TSGA10: variants seen among roughly 807,000 people sequenced by gnomAD.
TSGA10 encodes testis specific 10.
Under a neutral mutation model 96.6 loss-of-function variants are expected in TSGA10, and 43 were observed. The observed-to-expected ratio is 0.44, with a 90% CI of 0.35 to 0.57. The LOEUF (loss-of-function observed/expected upper bound fraction) is 0.57, where lower values mean the gene tolerates loss of function less well. Among genes scored for constraint, TSGA10 ranks in the 20% least tolerant of loss-of-function variants. TSGA10 has a pLI of 0.01. For synonymous variants in TSGA10, 229 were observed against 269.9 expected (o/e 0.85, Z 1.48); for missense variants, 703 against 834.4 (o/e 0.84, Z 1.94).
intron 16 of TSGA10, among the ~76,000 whole-genome samples, chr2:99,063,704 G>C (rs2084939204): frequency 6.6e-6 from 1 of 152,094 alleles, no homozygotes; most frequent in Admixed American, 6.5e-5. Flanking sequence ...TACTTGGGAG[G>C]TTGAGGCAGG....
At chr2:99,000,250 G>A (rs2077770255) in intron 20 of TSGA10, among the ~76,000 whole-genome samples, 1 of 152,006 alleles carries the variant, frequency 6.6e-6, no homozygotes, top group African/African-American at 2.4e-5. Flanking sequence ...GCTCATGCCT[G>A]TAATCCCAGC....
At chr2:99,079,195 G>A (rs1270087261) in intron 11 of TSGA10, among the ~76,000 whole-genome samples, 2 of 152,046 alleles carry the variant, frequency 1.3e-5, no homozygotes, top group African/African-American at 2.4e-5. Flanking sequence ...CTCTAGCCTA[G>A]AATCACTGTT....
chr2:99,052,005 G>A (rs1356528716), intron 16 of TSGA10, among the ~76,000 whole-genome samples: 2 of 151,708 alleles, frequency 1.3e-5, no homozygotes, highest in Non-Finnish European at 2.9e-5. Flanking sequence ...ATTGATGCAG[G>A]TAAGTACCTA....
intron 20 of TSGA10, among the ~76,000 whole-genome samples, chr2:99,011,218 C>T (rs138640115): frequency 0.015 from 2,358 of 152,246 alleles, 51 homozygotes; most frequent in African/African-American, 0.053. Flanking sequence ...CTGCAACCTC[C>T]GACACCCGGG....
intron 10 of TSGA10, among the ~76,000 whole-genome samples, chr2:99,083,617 C>T (rs1574162301): frequency 1.3e-5 from 2 of 152,160 alleles, no homozygotes; most frequent in Non-Finnish European, 2.9e-5. Flanking sequence ...ATGGTACATT[C>T]ATACTATGGA....
intron 1 of TSGA10, among the ~76,000 whole-genome samples, chr2:99,128,851 A>G (rs1297233705): frequency 6.6e-6 from 1 of 152,138 alleles, no homozygotes; most frequent in Non-Finnish European, 1.5e-5. Flanking sequence ...AGGCCCAAGC[A>G]ATCTTCTCAC....
rs2092406124 is a variant in TSGA10 at position 99,118,575 on chromosome 2, A to G, written c.-380T>C. 1.0e-6 allele frequency: 1 copy of G among 983,890 alleles called. No homozygotes were observed. Among genetic ancestry groups the G allele is most frequent in the African/African-American group, 1.8e-5 (1 of 57,128 alleles). 60.9% of individuals were successfully genotyped at this position (983,890 alleles called of 1,614,324 possible). ...CTTGACTAAGCTAAATATCAAATCA[A>G]TCAAGTATTTGCTGCCTAATGTGGA... is the stretch of plus-strand genomic sequence containing the variant. On this transcript the variant is annotated 5_prime_UTR_variant, in exon 3 of 21. Coordinates refer to ENST00000393483, the MANE Select transcript of TSGA10 (RefSeq NM_025244.4).
chr2:99,059,334 C>T (rs972722633), intron 16 of TSGA10, among the ~76,000 whole-genome samples: 1 of 151,832 alleles, frequency 6.6e-6, no homozygotes, highest in Non-Finnish European at 1.5e-5. Context: ...ATTCATGATA[C>T]AAACTCTAAG....
At chr2:99,115,308 AG>A (rs1291936548) in intron 4 of TSGA10, among the ~76,000 whole-genome samples, 3 of 152,220 alleles carry the variant, frequency 2.0e-5, no homozygotes, top group Admixed American at 6.5e-5. Flanking sequence ...CTTTAAAAAA[AG>A]TAACAATACA....
chr2:99,094,205 G>A (rs532071663), intron 10 of TSGA10, among the ~76,000 whole-genome samples: 46 of 152,288 alleles, frequency 3.0e-4, no homozygotes, highest in Admixed American at 1.0e-3. Flanking sequence ...GCCACATGTA[G>A]AAGAATGAAA....
intron 10 of TSGA10, among the ~76,000 whole-genome samples, chr2:99,103,045 T>C (rs1022000932): frequency 1.3e-5 from 2 of 151,732 alleles, no homozygotes; most frequent in Admixed American, 6.6e-5. Flanking sequence ...TATACTGCCT[T>C]TTTTATAGCT....
intron 17 of TSGA10, among the ~76,000 whole-genome samples, chr2:99,028,674 G>A (rs1203759210): frequency 6.7e-6 from 1 of 149,790 alleles, no homozygotes; most frequent in Non-Finnish European, 1.5e-5. Context: ...CAAACTCACA[G>A]AAGGGGTAGT....
chr2:99,114,257 G>C (rs2092060344), intron 4 of TSGA10, among the ~76,000 whole-genome samples: 1 of 152,048 alleles, frequency 6.6e-6, no homozygotes, highest in South Asian at 2.1e-4. Context: ...ATTAGGCAAG[G>C]AATCTCTCCC....
chr2:99,003,831 G>A (rs2078203651), intron 20 of TSGA10, among the ~76,000 whole-genome samples: 1 of 152,128 alleles, frequency 6.6e-6, no homozygotes, highest in South Asian at 2.1e-4. Context: ...AGCATTAAAT[G>A]CCCACAAGAG....
chr2:99,030,736 A>C (rs187675856), intron 17 of TSGA10, among the ~76,000 whole-genome samples: 1 of 152,280 alleles, frequency 6.6e-6, no homozygotes, highest in East Asian at 1.9e-4. Flanking sequence ...ATTAACACTA[A>C]AATACCACTT....
At chr2:99,049,732 A>T (rs1160878050) in intron 16 of TSGA10, among the ~76,000 whole-genome samples, 2 of 114,902 alleles carry the variant, frequency 1.7e-5, no homozygotes, top group Non-Finnish European at 3.3e-5. Context: ...AGTATAATTT[A>T]AAAAAAAGAA....
At chr2:99,065,558 A>G (rs2104467901) in intron 15 of TSGA10, among the ~76,000 whole-genome samples, 1 of 152,254 alleles carries the variant, frequency 6.6e-6, no homozygotes, top group South Asian at 2.1e-4. Context: ...CTGGCTACAG[A>G]GCTTCTGAGT....
intron 2 of TSGA10, among the ~76,000 whole-genome samples, chr2:99,120,448 C>T (rs2092510830): frequency 6.6e-6 from 1 of 151,870 alleles, no homozygotes; most frequent in Admixed American, 6.6e-5. Flanking sequence ...GAAGATGCAC[C>T]TGACTTAAGA....
chr2:99,149,800 T>C (rs879851431), intron 1 of TSGA10, among the ~76,000 whole-genome samples: 1,798 of 146,790 alleles, frequency 0.012, 32 homozygotes, highest in Admixed American at 0.019. Flanking sequence ...TTTTTTTTTT[T>C]TTTTTTTTTA....
Sources: gnomAD v4.1 joint callset for allele counts (sites outside exome capture counted in the v4.1 genomes callset) on GRCh38, gnomAD v4.1.1 for gene constraint, MANE v1.5 for transcripts, NCBI Gene and HGNC (gene_info 2026-07-23, HGNC 2026-07-21) for gene names.